Variants in MIB1 observed in about 807,000 individuals in gnomAD.
MIB1 encodes MIB E3 ubiquitin protein ligase 1.
Under a neutral mutation model 124.5 loss-of-function variants are expected in MIB1, and 278 were observed. The observed-to-expected ratio is 2.23, with a 90% CI of 2.02 to 2.47. The LOEUF (loss-of-function observed/expected upper bound fraction) is 2.47, where lower values mean the gene tolerates loss of function less well. Among genes scored for constraint, MIB1 ranks in the 30% most tolerant of loss-of-function variants. The probability of loss-of-function intolerance (pLI) is 0.00; values close to 1 mark genes in which losing one functional copy is unlikely to be tolerated. For missense variants in MIB1, 957 were observed against 1,254.4 expected, an observed-to-expected ratio of 0.76 and a Z score of 3.58; for synonymous variants, 446 against 429.4, an observed-to-expected ratio of 1.04 and a Z score of -0.48.
chr18:21,713,054 G>A lies in MIB1; in HGVS notation n.167+7931G>A, dbSNP rs1398165302. On this transcript the variant is annotated intron_variant and non_coding_transcript_variant, in intron 1 of 20. Coordinates refer to the MIB1 transcript ENST00000578646. ...ACTGCAGCCTTGAATCAGTCTTGGG[G>A]TCAAGCAATCCTCCCCACTCAGCCT... 4.6e-5 allele frequency among the ~76,000 whole-genome samples: 7 copies of A among 152,004 alleles called. No individual in the cohort carries two copies. The East Asian group carries it at 1.3e-3, about 29-fold the overall frequency.
At chr18:21,852,957 G>A (rs112351537) in intron 17 of MIB1, among the ~76,000 whole-genome samples, 183 bp from the exon 18 acceptor site, 1 of 152,060 alleles carries the variant, frequency 6.6e-6, no homozygotes, top group African/African-American at 2.4e-5. Flanking sequence ...GTTAAGCTAG[G>A]GTATATAAAG....
chr18:21,852,834 T>G (rs1009629404), intron 17 of MIB1, among the ~76,000 whole-genome samples: 2 of 152,140 alleles, frequency 1.3e-5, no homozygotes, highest in Admixed American at 1.3e-4. Context: ...AAGTAGTTTT[T>G]GGGGGAAAAA....
At chr18:21,825,070 C>A (rs546776479) in intron 12 of MIB1, among the ~76,000 whole-genome samples, 1 of 152,128 alleles carries the variant, frequency 6.6e-6, no homozygotes, top group South Asian at 2.1e-4. Flanking sequence ...TGATGCTTAG[C>A]ATTTTCTTTC....
intron 1 of MIB1, among the ~76,000 whole-genome samples, chr18:21,761,645 A>G (rs2041098825): frequency 6.6e-6 from 1 of 152,132 alleles, no homozygotes; most frequent in African/African-American, 2.4e-5. Flanking sequence ...TGCCTCAATT[A>G]ATAGAGTATA....
At position 21,867,927 on chromosome 18, in the gene MIB1, A is replaced by T. The variant is rs2042331450; in HGVS notation, c.*3261A>T. On this transcript the variant is annotated 3_prime_UTR_variant, in exon 21 of 21. Coordinates refer to ENST00000261537, the MANE Select transcript of MIB1 (RefSeq NM_020774.4). ...TCAGGACAGTGGGGTTACAACAGATAGGAAAGGAAAGTCAGCATTTGAGTG... is the reference window on the plus strand; with the variant it reads ...TCAGGACAGTGGGGTTACAACAGATTGGAAAGGAAAGTCAGCATTTGAGTG... 6.6e-6 allele frequency: 1 copy of T among 152,192 alleles called. No homozygotes were observed. Among genetic ancestry groups the T allele is most frequent in the Admixed American group, 6.5e-5 (1 of 15,270 alleles). The allele number at this position is 152,192 out of a possible 1,614,324, so 9.4% of individuals were successfully genotyped here.
At chr18:21,839,597 C>T (rs1299130502) in intron 13 of MIB1, among the ~76,000 whole-genome samples, 2 of 152,168 alleles carry the variant, frequency 1.3e-5, no homozygotes, top group African/African-American at 4.8e-5. Flanking sequence ...CTTGACCTCC[C>T]AGGCTCAAGC....
intron 1 of MIB1, among the ~76,000 whole-genome samples, chr18:21,714,019 G>A (rs1004558073): frequency 1.3e-5 from 2 of 152,202 alleles, no homozygotes; most frequent in African/African-American, 2.4e-5. Flanking sequence ...GTTTGCAGCT[G>A]TGGCCTTGCC....
chr18:21,795,346 A>ATATATAAATATATAATATATATAT (rs2041564991), intron 7 of MIB1, among the ~76,000 whole-genome samples: 1 of 143,620 alleles, frequency 7.0e-6, no homozygotes, highest in Non-Finnish European at 1.5e-5. Flanking sequence ...AATATATATA[A>ATATATAAATATATAATATATATAT]TATATAAATA....
At position 21,741,299 on chromosome 18, in the gene MIB1, C is replaced by T. The variant is rs543162372; in HGVS notation, c.-285C>T. 19 of 162,444 alleles carry T rather than the reference C, an allele frequency of 1.2e-4. No individual in the cohort carries two copies. Among genetic ancestry groups the T allele is most frequent in the Non-Finnish European group, 2.4e-4 (18 of 75,258 alleles). 10.1% of individuals were successfully genotyped at this position (162,444 alleles called of 1,614,324 possible). On this transcript the variant is annotated 5_prime_UTR_variant, in exon 1 of 21. Coordinates refer to ENST00000261537, the MANE Select transcript of MIB1 (RefSeq NM_020774.4). This position sits in a 1 kb window ranked among gnomAD's most constrained non-coding sequence, Gnocchi z 5.4. ...AGCCCGGAGGAAGCGGGAGAGTCCC[C>T]GCCCACGGCCCCCTCCCCTCTGCCC...
intron 12 of MIB1, among the ~76,000 whole-genome samples, chr18:21,833,823 A>G (rs1033128199): frequency 2.6e-5 from 4 of 152,200 alleles, no homozygotes; most frequent in African/African-American, 7.2e-5. Flanking sequence ...TTGTTCTGGA[A>G]CTTAATGCTT....
At chr18:21,771,891 T>C (rs2041227803) in intron 3 of MIB1, among the ~76,000 whole-genome samples, 1 of 151,622 alleles carries the variant, frequency 6.6e-6, no homozygotes, top group East Asian at 1.9e-4. Context: ...TCCCAGCTAC[T>C]TGGGAGGCTG....
intron 12 of MIB1, among the ~76,000 whole-genome samples, chr18:21,820,991 C>G (rs567530207): frequency 6.6e-6 from 1 of 152,266 alleles, no homozygotes; most frequent in South Asian, 2.1e-4. Flanking sequence ...CCTCATTCCT[C>G]TTGCTGCTTC....
chr18:21,832,061 A>G (rs2041989256), intron 12 of MIB1, among the ~76,000 whole-genome samples: 1 of 152,184 alleles, frequency 6.6e-6, no homozygotes, highest in African/African-American at 2.4e-5. Flanking sequence ...AGACCTGTAT[A>G]TTGGTGGTGG....
Position 21,764,575 on chromosome 18 carries a change from T to A in MIB1, c.230-1197T>A, listed in dbSNP as rs532700571. ...AGGTTGTGAGAATGAAAGGGCTCCT[T>A]TCTTCTATTTAATTATGGAAATGTT... On this transcript the variant is annotated intron_variant, in intron 1 of 20. Transcript: ENST00000261537. Among the ~76,000 whole-genome samples the A allele has an allele frequency of 3.9e-5, 6 of 152,270 alleles. No individual in the cohort carries two copies. In the South Asian group the frequency reaches 1.2e-3, roughly 32 times the overall value.
rs60650753 is a variant in MIB1 at position 21,724,727 on chromosome 18, AATATATAT to A, written n.167+19643_167+19650del. 7.1e-3 allele frequency among the ~76,000 whole-genome samples: 123 copies of A among 17,364 alleles called. 1 individual carries two copies. The highest frequency in any genetic ancestry group is 0.011 in the Admixed American group (9 of 836). 11.4% of individuals were successfully genotyped at this position (17,364 alleles called of 152,430 possible). On this transcript the variant is annotated intron_variant and non_coding_transcript_variant, in intron 1 of 20. Transcript: ENST00000578646. ...CTCCCCCATCCAAAAAAAAAAAAAA[AATATATAT>A]ATATATATATATATATATATATATA...
chr18:21,831,252 T>C (rs2041978600), intron 12 of MIB1: 1 of 134,558 alleles, frequency 7.4e-6, no homozygotes, highest in South Asian at 2.5e-4. Flanking sequence ...TTCTTGCTTT[T>C]AGATTTTTTT....
chr18:21,840,697 T>C (rs1054771796), intron 13 of MIB1, among the ~76,000 whole-genome samples: 3 of 147,000 alleles, frequency 2.0e-5, no homozygotes, highest in Admixed American at 6.9e-5. Flanking sequence ...CTGGGTGTGG[T>C]GGCATGTGCC....
In MIB1 at chr18:21,858,579, AG is replaced by A; in HGVS notation, c.2815del (p.Asp939IlefsTer29). The A allele has an allele frequency of 6.3e-7, 1 of 1,592,952 alleles. No homozygotes were observed. The highest frequency in any genetic ancestry group is 8.6e-7 in the Non-Finnish European group (1 of 1,162,084). ...AATATTCCAGTATTACAAAAGGACAAGGATAATACCAATGTCAATGCAGATG... is the reference window on the plus strand; with the variant it reads ...AATATTCCAGTATTACAAAAGGACAAGATAATACCAATGTCAATGCAGATG... ...SGNIPVLQKD[K>X]DNTNVNADVQ... On this transcript the variant is annotated frameshift_variant, in exon 20 of 21. Transcript: ENST00000261537. LOFTEE classifies it high-confidence loss of function.
chr18:21,791,359 G>C lies in MIB1; in HGVS notation c.909-15G>C. ...GCAAAGCTACCCATTTTGAGGTTTAGCTTTGCTCTTGTAGGTGGACCTTCA... is the reference window on the plus strand; with the variant it reads ...GCAAAGCTACCCATTTTGAGGTTTACCTTTGCTCTTGTAGGTGGACCTTCA... On this transcript the variant is annotated splice_polypyrimidine_tract_variant and intron_variant, in intron 6 of 20. Coordinates refer to ENST00000261537, the MANE Select transcript of MIB1 (RefSeq NM_020774.4). The C allele has an allele frequency of 6.3e-7, 1 of 1,587,130 alleles. No individual in the cohort carries two copies. Among genetic ancestry groups the C allele is most frequent in the Non-Finnish European group, 8.6e-7 (1 of 1,166,388 alleles).
Sources: gnomAD v4.1 joint callset for allele counts (sites outside exome capture counted in the v4.1 genomes callset) on GRCh38, gnomAD v4.1.1 for gene constraint, Gnocchi (gnomAD v3.1) non-coding constraint, MANE v1.5 for transcripts, NCBI Gene and HGNC (gene_info 2026-07-23, HGNC 2026-07-21) for gene names.